Variants in ROBO2 observed in about 807,000 individuals in gnomAD.
ROBO2 encodes the protein roundabout guidance receptor 2.
Under a neutral mutation model 160.8 loss-of-function variants are expected in ROBO2, and 53 were observed. That is an observed-to-expected ratio of 0.33 (90% CI 0.26 to 0.41). The LOEUF is 0.41. Ranked by LOEUF, ROBO2 falls within the 10% of genes least tolerant of loss-of-function variation. The pLI is 1.00. For missense variants in ROBO2, 1,577 were observed against 1,722.4 expected, an observed-to-expected ratio of 0.92 and a Z score of 1.49; for synonymous variants, 664 against 611.7, an observed-to-expected ratio of 1.09 and a Z score of -1.26.
chr3:76,096,215 T>C (rs1219502290), intron 2 of ROBO2, among the ~76,000 whole-genome samples: 2 of 152,174 alleles, frequency 1.3e-5, no homozygotes, highest in African/African-American at 4.8e-5. Flanking sequence ...TTATGATCAA[T>C]TACATTTTAA....
intron 1 of ROBO2, chr3:77,092,086 A>G (rs2150028801): frequency 6.6e-6 from 1 of 152,132 alleles, no homozygotes; most frequent in Middle Eastern, 3.4e-3. Context: ...ATATACCAAA[A>G]TTGAAGCAAT....
At chr3:77,491,256 C>CAGGATGT in intron 4 of ROBO2, among the ~76,000 whole-genome samples, 1 of 152,134 alleles carries the variant, frequency 6.6e-6, no homozygotes, top group Non-Finnish European at 1.5e-5. Flanking sequence ...TTGTTCATCC[C>CAGGATGT]AGTGTCAGGA....
intron 2 of ROBO2, 35 bp downstream of exon 2, chr3:77,098,375 A>G: frequency 1.2e-6 from 2 of 1,602,192 alleles, no homozygotes; most frequent in Non-Finnish European, 1.7e-6. Context: ...GTGCACATTT[A>G]CTTTTATTTA....
rs552627254 is a variant in ROBO2 at position 77,393,577 on chromosome 3, A to G, written c.389-83837A>G. On this transcript the variant is annotated intron_variant, in intron 2 of 25. Transcript: ENST00000461745. ...ATATAGTTAATAGTATAGTATAATT[A>G]TAATATATAGTAATATATAATATAT... Among the ~76,000 whole-genome samples, 88 of 148,644 alleles carry G rather than the reference A, an allele frequency of 5.9e-4. No individual in the cohort carries two copies. The South Asian group carries it at 7.7e-3, about 13-fold the overall frequency.
At chr3:77,537,400 T>C (rs1299262489) in intron 6 of ROBO2, among the ~76,000 whole-genome samples, 1 of 152,150 alleles carries the variant, frequency 6.6e-6, no homozygotes, top group Non-Finnish European at 1.5e-5. Context: ...CATGTTTTGC[T>C]CATACAATGA....
intron 2 of ROBO2, among the ~76,000 whole-genome samples, chr3:77,364,627 A>T (rs2153471799): frequency 6.6e-6 from 1 of 152,090 alleles, no homozygotes; most frequent in Middle Eastern, 3.4e-3. Flanking sequence ...ACCTTGGGCA[A>T]ATAGTTTCTC....
intron 2 of ROBO2, among the ~76,000 whole-genome samples, chr3:77,310,098 G>A (rs2063416115): frequency 6.6e-6 from 1 of 152,052 alleles, no homozygotes; most frequent in Non-Finnish European, 1.5e-5. Flanking sequence ...CCCCTCCTAG[G>A]GTTTCAGTGA....
chr3:76,159,865 A>G (rs2072553437), intron 2 of ROBO2, among the ~76,000 whole-genome samples: 1 of 152,106 alleles, frequency 6.6e-6, no homozygotes, highest in African/African-American at 2.4e-5. Context: ...CCTTTAAAGA[A>G]TTTTTAAGAT....
intron 2 of ROBO2, among the ~76,000 whole-genome samples, chr3:77,204,969 C>T (rs2083276879): frequency 1.3e-5 from 2 of 152,158 alleles, no homozygotes; most frequent in Admixed American, 6.5e-5. Context: ...AGACCCCTGA[C>T]GGGAGGGGAG....
intron 6 of ROBO2, among the ~76,000 whole-genome samples, chr3:77,523,901 C>G (rs901876682): frequency 1.3e-5 from 2 of 151,260 alleles, no homozygotes; most frequent in African/African-American, 4.8e-5. Flanking sequence ...TGCAGCTTTG[C>G]TCCCAAAGAG....
chr3:77,596,732 G>A (rs1247034069), exon 19 of ROBO2: 1 of 1,613,236 alleles, frequency 6.2e-7, no homozygotes, highest in Non-Finnish European at 8.5e-7. Context: ...AAATGAGATT[G>A]GAAATTTTGG....
At position 76,110,058 on chromosome 3, in the gene ROBO2, A is replaced by AAT. The variant is rs142775489; in HGVS notation, c.109+172470_109+172471dup. Among the ~76,000 whole-genome samples the AAT allele has an allele frequency of 3.3e-3, 489 of 149,664 alleles. 4 individuals carry two copies. Among genetic ancestry groups the AAT allele is most frequent in the African/African-American group, 8.4e-3 (345 of 40,966 alleles). Reference sequence around the variant, plus strand: ...GTGTGTGTATATATATATATGAATGAATATATATATATATAAAAGCTTCTC... The same window carrying AAT: ...GTGTGTGTATATATATATATGAATGAATATATATATATATATAAAAGCTTCTC... On this transcript the variant is annotated intron_variant, in intron 2 of 26. Coordinates refer to the ROBO2 transcript ENST00000487694.
chr3:75,940,580 A>C (rs1948007393), intron 2 of ROBO2, among the ~76,000 whole-genome samples: 1 of 152,160 alleles, frequency 6.6e-6, no homozygotes, highest in African/African-American at 2.4e-5. Context: ...GTGCATGAGA[A>C]AGTGTTTAAC....
intron 2 of ROBO2, among the ~76,000 whole-genome samples, chr3:76,330,713 C>T (rs1258363148): frequency 1.3e-5 from 2 of 152,172 alleles, no homozygotes; most frequent in Non-Finnish European, 2.9e-5. Context: ...TCCTAGGTCT[C>T]ATCGATTTGT....
intron 2 of ROBO2, among the ~76,000 whole-genome samples, chr3:77,443,474 T>C (rs1477231564): frequency 6.6e-6 from 1 of 152,170 alleles, no homozygotes; most frequent in Non-Finnish European, 1.5e-5. Flanking sequence ...TAGTATATTT[T>C]ATAACTACTC....
intron 2 of ROBO2, among the ~76,000 whole-genome samples, chr3:76,526,213 C>A (rs1007539980): frequency 6.6e-6 from 1 of 151,974 alleles, no homozygotes; most frequent in Admixed American, 6.6e-5. Flanking sequence ...AGAAGCATAG[C>A]GGGGCCAGGG....
rs372950968 is a variant in ROBO2 at position 76,613,476 on chromosome 3, G to A, written c.110-484538G>A. Among the ~76,000 whole-genome samples, 93 of 152,062 alleles carry A rather than the reference G, an allele frequency of 6.1e-4. 1 individual carries two copies. The highest frequency in any genetic ancestry group is 5.4e-3 in the South Asian group (26 of 4,814). ...GTCAGCATTAAATGTCTTTTGTAAT[G>A]TACACCAATAGCTCATAGCACACTC... On this transcript the variant is annotated intron_variant, in intron 2 of 26. Transcript: ENST00000487694.
At chr3:76,786,584 A>G (rs35782091) in intron 2 of ROBO2, among the ~76,000 whole-genome samples, 47,598 of 151,264 alleles carry the variant, frequency 0.31, 9,330 homozygotes, top group Non-Finnish European at 0.43. Flanking sequence ...AACCACTCCC[A>G]TGATTCAATT....
chr3:77,220,294 G>A (rs2085614966), intron 2 of ROBO2, among the ~76,000 whole-genome samples: 1 of 152,112 alleles, frequency 6.6e-6, no homozygotes, highest in African/African-American at 2.4e-5. Context: ...ACAGGCATGA[G>A]CCACTGCGCC....
Sources: gnomAD v4.1 joint callset for allele counts (sites outside exome capture counted in the v4.1 genomes callset) on GRCh38, gnomAD v4.1.1 for gene constraint, MANE v1.5 for transcripts, NCBI Gene and HGNC (gene_info 2026-07-23, HGNC 2026-07-21) for gene names.